IL1RAPL2: variants seen among roughly 807,000 people sequenced by gnomAD.
IL1RAPL2 encodes X-linked interleukin-1 receptor accessory protein-like 2.
In IL1RAPL2, 3 loss-of-function variants were observed where a neutral mutation model predicts 44.1. That is an observed-to-expected ratio of 0.07 (90% CI 0.03 to 0.18). The LOEUF is 0.18. Among genes scored for constraint, IL1RAPL2 ranks in the 10% least tolerant of loss-of-function variants. IL1RAPL2 has a pLI of 1.00. For synonymous variants in IL1RAPL2, 181 were observed against 178.8 expected (o/e 1.01, Z -0.10); for missense variants, 391 against 496.4 (o/e 0.79, Z 2.02).
At chrX:104,863,411 GT>G (rs1247670178) in intron 2 of IL1RAPL2, among the ~76,000 whole-genome samples, 1 of 111,995 alleles carries the variant, frequency 8.9e-6, no homozygotes, top group African/African-American at 3.2e-5. Flanking sequence ...ATTCCATTAT[GT>G]TATATCTGCT....
At chrX:105,081,935 C>A (rs148948698) in intron 2 of IL1RAPL2, among the ~76,000 whole-genome samples, 39 of 111,266 alleles carry the variant, frequency 3.5e-4, no homozygotes, top group African/African-American at 1.2e-3. Context: ...CTGAAATTTT[C>A]TTTTTTTTGT....
At chrX:104,631,663 T>C (rs1474157271) in intron 1 of IL1RAPL2, among the ~76,000 whole-genome samples, 1 of 112,360 alleles carries the variant, frequency 8.9e-6, no homozygotes, top group Non-Finnish European at 1.9e-5. Context: ...GCTCATATCC[T>C]TTGCCCATTT....
intron 5 of IL1RAPL2, among the ~76,000 whole-genome samples, chrX:105,325,741 A>G: frequency 9.2e-6 from 1 of 109,126 alleles, no homozygotes; most frequent in East Asian, 2.9e-4. Flanking sequence ...AGCATTTGTC[A>G]TTATGTCTTT....
intron 2 of IL1RAPL2, among the ~76,000 whole-genome samples, chrX:104,735,478 G>C (rs947974557): frequency 7.2e-5 from 8 of 110,961 alleles, no homozygotes; most frequent in Non-Finnish European, 1.3e-4. Flanking sequence ...GTGACAAAGG[G>C]AACCACTATT....
intron 5 of IL1RAPL2, among the ~76,000 whole-genome samples, chrX:105,308,630 A>G (rs2034770645): frequency 8.9e-6 from 1 of 112,316 alleles, no homozygotes; most frequent in African/African-American, 3.2e-5. Flanking sequence ...TGTGTCTGTG[A>G]GATCCATTCA....
intron 6 of IL1RAPL2, among the ~76,000 whole-genome samples, chrX:105,536,753 C>T (rs1190206927): frequency 8.9e-6 from 1 of 112,015 alleles, no homozygotes. Context: ...TATTAGCAAA[C>T]TTTTAAGTGT....
chrX:105,340,766 C>T (rs1279516880), intron 5 of IL1RAPL2, among the ~76,000 whole-genome samples: 1 of 112,342 alleles, frequency 8.9e-6, no homozygotes, highest in Non-Finnish European at 1.9e-5. Context: ...CCTCCCCATA[C>T]TCTCAATCCA....
chrX:105,540,788 T>A (rs1297548790), intron 6 of IL1RAPL2, among the ~76,000 whole-genome samples: 4 of 74,751 alleles, frequency 5.4e-5, no homozygotes, highest in African/African-American at 1.5e-4. Context: ...TATATATATA[T>A]AATATAAATA....
At chrX:105,196,983 G>A (rs2033677799) in intron 3 of IL1RAPL2, among the ~76,000 whole-genome samples, 1 of 111,617 alleles carries the variant, frequency 9.0e-6, no homozygotes, top group Admixed American at 9.5e-5. Flanking sequence ...GCACTTGGAA[G>A]CCCCTGGCGA....
intron 4 of IL1RAPL2, among the ~76,000 whole-genome samples, chrX:105,266,044 A>G (rs1458718030): frequency 2.0e-5 from 2 of 100,812 alleles, no homozygotes; most frequent in Non-Finnish European, 3.8e-5. Flanking sequence ...ATGATAAAAT[A>G]CTTTTTTTTT....
At chrX:104,948,830 T>G (rs1925476226) in intron 2 of IL1RAPL2, among the ~76,000 whole-genome samples, 1 of 110,061 alleles carries the variant, frequency 9.1e-6, no homozygotes, top group Admixed American at 9.8e-5. Context: ...CAGTATTTTA[T>G]TGAGGATTTT....
intron 6 of IL1RAPL2, among the ~76,000 whole-genome samples, chrX:105,665,378 T>A (rs1372809250): frequency 9.1e-6 from 1 of 109,433 alleles, no homozygotes; most frequent in Non-Finnish European, 1.9e-5. Context: ...TGTGTGTGTG[T>A]AATTTAAGCC....
At chrX:105,163,192 A>G (rs2033341999) in intron 2 of IL1RAPL2, among the ~76,000 whole-genome samples, 2 of 111,628 alleles carry the variant, frequency 1.8e-5, no homozygotes, top group Admixed American at 9.5e-5. Flanking sequence ...ATGGCACACT[A>G]TGGCCAAAAA....
chrX:105,382,046 G>T (rs1371984798), intron 5 of IL1RAPL2, among the ~76,000 whole-genome samples: 4 of 111,556 alleles, frequency 3.6e-5, no homozygotes, highest in Non-Finnish European at 5.6e-5. Context: ...TACCATTCAG[G>T]ACATAGGCAT....
At chrX:104,698,777 G>T (rs771771563) in intron 2 of IL1RAPL2, among the ~76,000 whole-genome samples, 1 of 111,594 alleles carries the variant, frequency 9.0e-6, no homozygotes, top group East Asian at 2.8e-4. Context: ...CTTATTCAAG[G>T]TGCCTTTAGT....
rs71300343 is a variant in IL1RAPL2, at chrX:104,916,883, G to A, written c.82+257888G>A. 4.5e-4 allele frequency among the ~76,000 whole-genome samples: 50 copies of A among 111,484 alleles called. No individual in the cohort carries two copies. The East Asian group carries it at 7.6e-3, about 17-fold the overall frequency. ...TGCTGGATTACATTTATTGATTTGC[G>A]TATATTGAACCAGCCTTGCATCCCA... On this transcript the variant is annotated intron_variant, in intron 2 of 10. Coordinates refer to ENST00000372582, the MANE Select transcript of IL1RAPL2 (RefSeq NM_017416.2).
At chrX:104,908,248 T>C (rs1267458320) in intron 2 of IL1RAPL2, among the ~76,000 whole-genome samples, 1 of 112,109 alleles carries the variant, frequency 8.9e-6, no homozygotes, top group Non-Finnish European at 1.9e-5. Context: ...AGATCTTGAC[T>C]CTTTATCCAA....
At chrX:105,370,260 C>G (rs1190658610) in intron 5 of IL1RAPL2, among the ~76,000 whole-genome samples, 1 of 111,384 alleles carries the variant, frequency 9.0e-6, no homozygotes, top group Non-Finnish European at 1.9e-5. Flanking sequence ...GGTGCACATG[C>G]AAATTTGTTA....
At chrX:105,096,695 G>C (rs953517616) in intron 2 of IL1RAPL2, among the ~76,000 whole-genome samples, 4 of 111,443 alleles carry the variant, frequency 3.6e-5, no homozygotes, top group Non-Finnish European at 7.5e-5. Flanking sequence ...GGAGAAAGGG[G>C]AAATGGGCTG....
Sources: allele counts gnomAD v4.1 joint callset (sites outside exome capture counted in the v4.1 genomes callset), GRCh38; gene constraint gnomAD v4.1.1; transcripts MANE v1.5; gene names NCBI Gene and HGNC (gene_info 2026-07-23, HGNC 2026-07-21).